The following RNLS variants were observed in gnomAD, a reference collection of about 807,000 sequenced individuals.
RNLS encodes the protein renalase, FAD dependent amine oxidase.
In RNLS, 39 loss-of-function variants were observed where a neutral mutation model predicts 39.8. The observed-to-expected ratio is 0.98, with a 90% CI of 0.76 to 1.28. RNLS has a LOEUF of 1.28. RNLS is among the 50% of genes most tolerant of loss of function. The pLI is 0.00. For missense variants in RNLS, 410 were observed against 413.3 expected, an observed-to-expected ratio of 0.99 and a Z score of 0.07; for synonymous variants, 147 against 150.7, an observed-to-expected ratio of 0.98 and a Z score of 0.18.
chr10:88,247,418 A>G, the RNLS span, among the ~76,000 whole-genome samples: 11 of 152,346 alleles, frequency 7.2e-5, no homozygotes, highest in Non-Finnish European at 2.9e-5. Flanking sequence ...CAGAAAAAAT[A>G]GAATGAGTTC....
chr10:88,259,648 T>C, the RNLS span, among the ~76,000 whole-genome samples: 14 of 152,324 alleles, frequency 9.2e-5, no homozygotes, highest in Admixed American at 7.2e-4. Flanking sequence ...CTGAGTTGTG[T>C]GTAGAACATG....
At chr10:88,357,198 C>T (rs1849257407) in intron 5 of RNLS, among the ~76,000 whole-genome samples, 1 of 152,114 alleles carries the variant, frequency 6.6e-6, no homozygotes, top group Admixed American at 6.5e-5. Flanking sequence ...CTCAGTAACC[C>T]TTTGGTATTG....
intron 6 of RNLS, among the ~76,000 whole-genome samples, chr10:88,311,813 T>TTGTGGA: frequency 6.6e-6 from 1 of 152,290 alleles, no homozygotes; most frequent in Non-Finnish European, 1.5e-5. Flanking sequence ...ACTGTTGCAA[T>TTGTGGA]TGTGGATATG....
chr10:88,368,465 T>C (rs1343850555), intron 4 of RNLS, among the ~76,000 whole-genome samples: 2 of 152,122 alleles, frequency 1.3e-5, no homozygotes, highest in Non-Finnish European at 2.9e-5. Flanking sequence ...TAGGCAAGGA[T>C]ATAAAGAGGG....
chr10:88,560,983 C>A (rs1849153765), intron 4 of RNLS, among the ~76,000 whole-genome samples: 1 of 151,812 alleles, frequency 6.6e-6, no homozygotes, highest in Non-Finnish European at 1.5e-5. Flanking sequence ...CATACACACA[C>A]AGACCCATAA....
intron 4 of RNLS, among the ~76,000 whole-genome samples, chr10:88,430,019 A>C (rs906194674): frequency 5.3e-5 from 8 of 151,862 alleles, no homozygotes; most frequent in Non-Finnish European, 8.8e-5. Context: ...CATGAATTTT[A>C]GAATCAGTTT....
chr10:88,400,739 T>A (rs1164893810), intron 4 of RNLS, among the ~76,000 whole-genome samples: 2 of 151,946 alleles, frequency 1.3e-5, no homozygotes, highest in African/African-American at 4.8e-5. Flanking sequence ...CCATTTTAAG[T>A]ACCCAAGCAT....
chr10:88,210,965 T>C, the RNLS span, among the ~76,000 whole-genome samples: 2 of 152,104 alleles, frequency 1.3e-5, no homozygotes, highest in African/African-American at 2.4e-5. Context: ...TTGAGTCAAA[T>C]CTTAAAAGTC....
the RNLS span, among the ~76,000 whole-genome samples, chr10:88,176,586 T>A: frequency 6.6e-6 from 1 of 152,222 alleles, no homozygotes; most frequent in Admixed American, 6.5e-5. Flanking sequence ...ATATCTTTTG[T>A]TCCTTTATTA....
intron 6 of RNLS, among the ~76,000 whole-genome samples, chr10:88,310,003 T>G (rs1239133226): frequency 6.6e-6 from 1 of 151,862 alleles, no homozygotes; most frequent in Non-Finnish European, 1.5e-5. Context: ...GCTTGAGTCC[T>G]GGAGTTCAAG....
chr10:88,488,733 C>T (rs747537151), intron 4 of RNLS, among the ~76,000 whole-genome samples: 1 of 151,922 alleles, frequency 6.6e-6, no homozygotes, highest in Non-Finnish European at 1.5e-5. Context: ...CCAAATTTTC[C>T]GTGATTACAG....
chr10:88,462,623 T>A (rs965893784), intron 4 of RNLS, among the ~76,000 whole-genome samples: 1 of 151,976 alleles, frequency 6.6e-6, no homozygotes, highest in Non-Finnish European at 1.5e-5. Context: ...ATTAAAAAAA[T>A]GATTTTAATG....
intron 4 of RNLS, among the ~76,000 whole-genome samples, chr10:88,499,984 C>G (rs1035746227): frequency 6.6e-6 from 1 of 152,058 alleles, no homozygotes; most frequent in Admixed American, 6.6e-5. Flanking sequence ...CTTCTACTGG[C>G]AGGTGAGGCT....
At position 88,518,689 on chromosome 10, in the gene RNLS, A is replaced by G. The variant is rs550811206; in HGVS notation, c.526+54214T>C. ...TAAGCACTTGTTTTGGAAAAAAATC[A>G]CTGTCTACCTAGAGAGAGGAGAAAA... On this transcript the variant is annotated intron_variant, in intron 4 of 6. Coordinates refer to ENST00000331772, the MANE Select transcript of RNLS (RefSeq NM_001031709.3). 2.6e-5 allele frequency among the ~76,000 whole-genome samples: 4 copies of G among 152,082 alleles called. No homozygotes were observed. The East Asian group carries it at 7.7e-4, about 29-fold the overall frequency.
intron 6 of RNLS, among the ~76,000 whole-genome samples, chr10:88,305,525 G>A (rs1489909466): frequency 1.3e-5 from 2 of 151,900 alleles, no homozygotes; most frequent in Admixed American, 6.6e-5. Flanking sequence ...AGAAAGCAGG[G>A]GTTGCAATCC....
the RNLS span, among the ~76,000 whole-genome samples, chr10:88,213,580 C>G: frequency 6.6e-6 from 1 of 152,218 alleles, no homozygotes; most frequent in African/African-American, 2.4e-5. Flanking sequence ...TTCTCAATCC[C>G]TGCTCCCTGT....
At chr10:88,375,463 T>C (rs1850911643) in intron 4 of RNLS, among the ~76,000 whole-genome samples, 1 of 152,214 alleles carries the variant, frequency 6.6e-6, no homozygotes, top group Non-Finnish European at 1.5e-5. Context: ...TGTATTGCTC[T>C]TTCATTTGTG....
chr10:88,297,091 C>T (rs1470347219), intron 6 of RNLS, among the ~76,000 whole-genome samples: 1 of 152,096 alleles, frequency 6.6e-6, no homozygotes, highest in Non-Finnish European at 1.5e-5. Context: ...ATTAATAAAG[C>T]TGCTAATATT....
intron 4 of RNLS, among the ~76,000 whole-genome samples, chr10:88,516,447 C>T (rs1246558096): frequency 6.6e-6 from 1 of 151,910 alleles, no homozygotes; most frequent in African/African-American, 2.4e-5. Flanking sequence ...TTAGGCAAGG[C>T]TCTTTCAGTT....
Sources: gnomAD v4.1 joint callset for allele counts (sites outside exome capture counted in the v4.1 genomes callset) on GRCh38, gnomAD v4.1.1 for gene constraint, MANE v1.5 for transcripts, NCBI Gene and HGNC (gene_info 2026-07-23, HGNC 2026-07-21) for gene names.